The following TBC1D2B variants were observed in gnomAD, a reference collection of about 807,000 sequenced individuals.
TBC1D2B encodes the protein TBC1 domain family member 2B.
TBC1D2B carries 64 observed loss-of-function variants against 100.8 expected under a neutral mutation model. That is an observed-to-expected ratio of 0.64 (90% confidence interval 0.52 to 0.78). The LOEUF is 0.78. TBC1D2B is among the 30% of genes least tolerant of loss of function. The pLI is 0.00. For missense variants in TBC1D2B, 1,052 were observed against 1,218.4 expected, an observed-to-expected ratio of 0.86 and a Z score of 2.03; for synonymous variants, 480 against 479.7, an observed-to-expected ratio of 1.00 and a Z score of -0.01.
chr15:78,077,209 A>AGGAG, intron 1 of TBC1D2B, 84 bp downstream of exon 1: 5 of 1,385,996 alleles, frequency 3.6e-6, no homozygotes, highest in Non-Finnish European at 4.6e-6. Flanking sequence ...CCTTGGAGGA[A>AGGAG]GGAGGGTGGA....
chr15:78,027,574 C>A (rs937495656), intron 4 of TBC1D2B, among the ~76,000 whole-genome samples: 3 of 152,158 alleles, frequency 2.0e-5, no homozygotes, highest in Non-Finnish European at 1.5e-5. Context: ...ATAAACTCCC[C>A]TCAAAGGGGA....
intron 3 of TBC1D2B, among the ~76,000 whole-genome samples, chr15:78,035,297 C>G (rs1336038697): frequency 6.6e-6 from 1 of 152,230 alleles, no homozygotes; most frequent in Non-Finnish European, 1.5e-5. Context: ...CTAACTAAAA[C>G]AGTAATAACT....
At chr15:78,040,016 A>C (rs1277146445) in intron 3 of TBC1D2B, among the ~76,000 whole-genome samples, 1 of 152,190 alleles carries the variant, frequency 6.6e-6, no homozygotes, top group Non-Finnish European at 1.5e-5. Context: ...AAAGCCACAG[A>C]ACTTTGCTGA....
At chr15:78,032,876 G>A (rs2072851836) in intron 3 of TBC1D2B, among the ~76,000 whole-genome samples, 1 of 152,016 alleles carries the variant, frequency 6.6e-6, no homozygotes, top group African/African-American at 2.4e-5. Flanking sequence ...AAGGAAGGAT[G>A]GATGGACCAA....
chr15:78,042,357 G>T (rs1388354700), intron 3 of TBC1D2B, among the ~76,000 whole-genome samples: 2 of 152,192 alleles, frequency 1.3e-5, no homozygotes, highest in Non-Finnish European at 2.9e-5. Flanking sequence ...GGGGGAAGGA[G>T]CACTGGGTCC....
intron 3 of TBC1D2B, among the ~76,000 whole-genome samples, chr15:78,040,281 G>C (rs2073043861): frequency 6.6e-6 from 1 of 152,182 alleles, no homozygotes. Context: ...GGTTAAAGCA[G>C]GAATCCATAT....
chr15:78,054,292 T>C, intron 1 of TBC1D2B, 105 bp from the exon 2 acceptor site: 1 of 1,186,026 alleles, frequency 8.4e-7, no homozygotes, highest in South Asian at 1.9e-5. Context: ...ATGTGAGAGT[T>C]AAGATGAACA....
At chr15:78,074,354 G>A (rs2073794103) in intron 1 of TBC1D2B, among the ~76,000 whole-genome samples, 1 of 152,120 alleles carries the variant, frequency 6.6e-6, no homozygotes, top group African/African-American at 2.4e-5. Context: ...AGCCTTGCCT[G>A]ATTTCCATTC....
chr15:78,065,017 C>A (rs1327413818), intron 1 of TBC1D2B, among the ~76,000 whole-genome samples: 1 of 152,160 alleles, frequency 6.6e-6, no homozygotes, highest in African/African-American at 2.4e-5. Flanking sequence ...CTTTCAAAGG[C>A]TGAGCACACA....
chr15:78,000,523 A>G (rs1005752120), intron 12 of TBC1D2B, among the ~76,000 whole-genome samples: 2 of 152,368 alleles, frequency 1.3e-5, no homozygotes, highest in Non-Finnish European at 2.9e-5. Flanking sequence ...TATGATTCCC[A>G]TATCCCTCCT....
intron 9 of TBC1D2B, among the ~76,000 whole-genome samples, chr15:78,009,488 G>A (rs1453717211): frequency 2.0e-5 from 3 of 151,464 alleles, no homozygotes; most frequent in Non-Finnish European, 4.4e-5. Flanking sequence ...TACAGTGAAT[G>A]ATAATCGCAC....
Position 78,024,463 on chromosome 15 carries a change from T to C in TBC1D2B, c.1163A>G (p.Glu388Gly), listed in dbSNP as rs749728188. The part of the protein sequence containing the change: ...DKYFTSSRLC[E>G]GVPKDTLELL... ...CTCGAGCGTGTCCTTTGGGACCCCCTCACAGAGCCGGCTGCTTGTGAAATA... is the reference window on the plus strand; with the variant it reads ...CTCGAGCGTGTCCTTTGGGACCCCCCCACAGAGCCGGCTGCTTGTGAAATA... Residue 388 changes from glutamate to glycine, a missense_variant, in exon 6 of 13, where the codon GAG (glutamate) becomes GGG (glycine). By Grantham distance (98) the Glu-to-Gly change is moderately conservative (BLOSUM62 -2). Around this residue, in one of 4 missense-constraint regions of TBC1D2B, gnomAD observed 627 missense variants for 646.1 expected, o/e 0.97. Coordinates refer to ENST00000300584, the MANE Select transcript of TBC1D2B (RefSeq NM_144572.2). 3 of 1,614,020 alleles carry C rather than the reference T, an allele frequency of 1.9e-6. No individual in the cohort carries two copies. Among genetic ancestry groups the C allele is most frequent in the Non-Finnish European group, 2.5e-6 (3 of 1,179,896 alleles).
intron 4 of TBC1D2B, chr15:78,025,749 A>T (rs1176067693): frequency 4.6e-6 from 1 of 218,678 alleles, no homozygotes; most frequent in East Asian, 1.0e-4. Context: ...GATGGTCTTG[A>T]TCTCCTGACG....
chr15:78,006,503 G>A (rs899030602), intron 10 of TBC1D2B, among the ~76,000 whole-genome samples: 1 of 152,262 alleles, frequency 6.6e-6, no homozygotes, highest in African/African-American at 2.4e-5. Flanking sequence ...GAAGGGGGCA[G>A]CTGTGGCGAA....
At chr15:78,037,709 T>TG (rs1468857493) in intron 3 of TBC1D2B, among the ~76,000 whole-genome samples, 3 of 152,134 alleles carry the variant, frequency 2.0e-5, no homozygotes, top group Non-Finnish European at 4.4e-5. Context: ...GATGACCCAC[T>TG]GGGGGCCAGG....
At chr15:78,072,465 G>C (rs1167023229) in intron 1 of TBC1D2B, among the ~76,000 whole-genome samples, 1 of 152,230 alleles carries the variant, frequency 6.6e-6, no homozygotes, top group Admixed American at 6.5e-5. Flanking sequence ...AAACAGCAAA[G>C]GAGGCTGGTT....
chr15:78,000,797 C>G (rs1437544637), intron 12 of TBC1D2B, among the ~76,000 whole-genome samples: 2 of 152,186 alleles, frequency 1.3e-5, no homozygotes, highest in African/African-American at 2.4e-5. Context: ...GAACACCTGG[C>G]CTCCCAGGCC....
chr15:78,000,268 A>G (rs548702594), intron 12 of TBC1D2B, among the ~76,000 whole-genome samples: 38 of 152,348 alleles, frequency 2.5e-4, no homozygotes, highest in Admixed American at 1.6e-3. Context: ...GGGAGGGGCC[A>G]GGTTGGCCTG....
At chr15:78,064,956 A>C (rs1329046633) in intron 1 of TBC1D2B, among the ~76,000 whole-genome samples, 1 of 152,196 alleles carries the variant, frequency 6.6e-6, no homozygotes, top group South Asian at 2.1e-4. Context: ...ATTAGCATTC[A>C]TATGTCTTAC....
Sources: allele counts gnomAD v4.1 joint callset (sites outside exome capture counted in the v4.1 genomes callset), GRCh38; gene constraint gnomAD v4.1.1; regional missense constraint gnomAD v4.1.1; transcripts MANE v1.5; gene names NCBI Gene and HGNC (gene_info 2026-07-23, HGNC 2026-07-21).